Variants in BTAF1 observed in about 807,000 individuals in gnomAD.
The protein encoded by BTAF1 is TATA-binding protein-associated factor 172.
A neutral mutation model predicts 227.1 loss-of-function variants in BTAF1; 38 were observed. That is an observed-to-expected ratio of 0.17 (90% CI 0.13 to 0.22). BTAF1 has a LOEUF of 0.22. Ranked by LOEUF, BTAF1 falls within the 10% of genes least tolerant of loss-of-function variation. The probability of loss-of-function intolerance (pLI) is 1.00; values close to 1 mark genes in which losing one functional copy is unlikely to be tolerated. For synonymous variants in BTAF1, 742 were observed against 751.9 expected (o/e 0.99, Z 0.21); for missense variants, 1,598 against 2,204.0 (o/e 0.73, Z 5.51).
intron 28 of BTAF1, 74 bp from the exon 29 acceptor site, chr10:92,010,999 A>C: frequency 9.2e-7 from 1 of 1,092,834 alleles, no homozygotes. Flanking sequence ...GATTGAAAGC[A>C]CTTTATACAA....
chr10:92,002,139 A>C (rs2134075321), intron 25 of BTAF1, among the ~76,000 whole-genome samples: 2 of 152,244 alleles, frequency 1.3e-5, no homozygotes, highest in Non-Finnish European at 2.9e-5. Flanking sequence ...AACACACTGG[A>C]TTGCATTAAT....
chr10:91,928,502 A>G (rs572970859), intron 1 of BTAF1, among the ~76,000 whole-genome samples: 1 of 152,192 alleles, frequency 6.6e-6, no homozygotes, highest in Admixed American at 6.5e-5. Flanking sequence ...AAAGTCAGCT[A>G]GTCATTCACT....
At chr10:91,928,490 G>A (rs974194028) in intron 1 of BTAF1, among the ~76,000 whole-genome samples, 2 of 152,070 alleles carry the variant, frequency 1.3e-5, no homozygotes, top group East Asian at 1.9e-4. Context: ...TGCGGATGCC[G>A]GAAAGTCAGC....
chr10:91,969,358 A>G (rs1232334645), intron 14 of BTAF1, among the ~76,000 whole-genome samples: 1 of 152,158 alleles, frequency 6.6e-6, no homozygotes, highest in Non-Finnish European at 1.5e-5. Flanking sequence ...AAAGTTAGCT[A>G]TTAAAATGAC....
At chr10:92,028,729 A>G (rs1851695211) in intron 37 of BTAF1, 61 bp from the exon 38 acceptor site, 1 of 1,479,458 alleles carries the variant, frequency 6.8e-7, no homozygotes, top group Non-Finnish European at 9.1e-7. Context: ...TTAAAGGAAA[A>G]TACAATTTGT....
intron 11 of BTAF1, among the ~76,000 whole-genome samples, chr10:91,960,586 TG>T (rs1240812023): frequency 1.6e-5 from 2 of 125,614 alleles, no homozygotes; most frequent in Admixed American, 7.6e-5. Context: ...AAACTGTCAG[TG>T]TTTTTTTTTT....
At chr10:91,929,648 A>G (rs1180362369) in intron 1 of BTAF1, among the ~76,000 whole-genome samples, 1 of 152,204 alleles carries the variant, frequency 6.6e-6, no homozygotes, top group African/African-American at 2.4e-5. Context: ...GTTAATGTAG[A>G]AAAAACTACC....
chr10:91,924,101 C>G lies in BTAF1; in HGVS notation c.14+11C>G. 3 of 1,606,998 alleles carry G rather than the reference C, an allele frequency of 1.9e-6. No individual in the cohort carries two copies. The highest frequency in any genetic ancestry group is 2.5e-6 in the Non-Finnish European group (3 of 1,177,554). On this transcript the variant is annotated intron_variant, in intron 1 of 37. Transcript: ENST00000265990. ...CATGGCGGTCTCCAGGTGGGTCTTG[C>G]TCCTGACGAGCAAACTGGAAGGCGA...
At chr10:92,019,891 G>GTTTTTT (rs11406652) in intron 34 of BTAF1, among the ~76,000 whole-genome samples, 1 of 139,410 alleles carries the variant, frequency 7.2e-6, no homozygotes. Context: ...TGTTGTTGCT[G>GTTTTTT]TTTTTTTTTT....
chr10:91,931,503 G>A (rs1844273484), intron 1 of BTAF1, among the ~76,000 whole-genome samples: 1 of 152,102 alleles, frequency 6.6e-6, no homozygotes, highest in Non-Finnish European at 1.5e-5. Context: ...AGAAGTTTTA[G>A]CCAAAAGTAG....
At position 91,959,824 on chromosome 10, in the gene BTAF1, A is replaced by G. The variant is rs774246299; in HGVS notation, c.1030A>G (p.Ile344Val). 20 of 1,606,536 alleles carry G rather than the reference A, an allele frequency of 1.2e-5. No homozygotes were observed. In the East Asian group the frequency reaches 2.9e-4, roughly 23 times the overall value. Reference protein sequence around the residue: ...QHQEWLEDLVIRLLCVFALDR... With the variant: ...QHQEWLEDLVVRLLCVFALDR... Reference sequence around the variant, plus strand: ...TCAAGAGTGGTTGGAAGACTTGGTTATTAGACTCCTTTGTGTTTTTGCATT... The same window carrying G: ...TCAAGAGTGGTTGGAAGACTTGGTTGTTAGACTCCTTTGTGTTTTTGCATT... Residue 344 changes from isoleucine (I) to valine (V), a missense_variant, in exon 10 of 38, where the codon ATT becomes GTT. By Grantham distance (29) the Ile-to-Val change is conservative (BLOSUM62 3). Transcript: ENST00000265990.
chr10:91,997,826 G>T, intron 25 of BTAF1, 75 bp downstream of exon 25: 1 of 1,478,466 alleles, frequency 6.8e-7, no homozygotes, highest in African/African-American at 1.4e-5. Flanking sequence ...ACCCTTTTTA[G>T]GGCCAGGTAC....
chr10:92,026,960 C>A (rs886500341), intron 36 of BTAF1, among the ~76,000 whole-genome samples, 170 bp from the exon 37 acceptor site: 3 of 152,094 alleles, frequency 2.0e-5, no homozygotes, highest in African/African-American at 7.2e-5. Context: ...ACTGTTCATC[C>A]CTAATATTCT....
chr10:92,004,935 A>G (rs553982356), intron 25 of BTAF1, among the ~76,000 whole-genome samples: 33 of 152,326 alleles, frequency 2.2e-4, no homozygotes, highest in African/African-American at 7.5e-4. Context: ...GGTGTAAGAT[A>G]CAAAGGTCCA....
At chr10:91,985,932 G>C (rs1388588585) in intron 19 of BTAF1, among the ~76,000 whole-genome samples, 1 of 151,592 alleles carries the variant, frequency 6.6e-6, no homozygotes, top group Non-Finnish European at 1.5e-5. Context: ...TCTTAATGCT[G>C]TCTTTGGATG....
At chr10:92,014,311 C>G (rs1850556454) in intron 32 of BTAF1, among the ~76,000 whole-genome samples, 1 of 152,108 alleles carries the variant, frequency 6.6e-6, no homozygotes, top group Non-Finnish European at 1.5e-5. Context: ...TCACTGCAGC[C>G]TCGACCTCCG....
chr10:91,948,699 TAA>T (rs11331302), intron 4 of BTAF1, among the ~76,000 whole-genome samples: 1,750 of 142,844 alleles, frequency 0.012, 18 homozygotes, highest in South Asian at 0.024. Flanking sequence ...TCTTTTTTAT[TAA>T]AAAAAAAAAA....
At chr10:91,931,276 A>T (rs1844259238) in intron 1 of BTAF1, among the ~76,000 whole-genome samples, 1 of 152,218 alleles carries the variant, frequency 6.6e-6, no homozygotes, top group African/African-American at 2.4e-5. Context: ...AATTCTCGGA[A>T]TTGACATCCA....
intron 5 of BTAF1, 89 bp from the exon 6 acceptor site, chr10:91,953,648 T>A (rs12571564): frequency 5.6e-6 from 8 of 1,418,314 alleles, no homozygotes; most frequent in Non-Finnish European, 7.7e-6. Flanking sequence ...ATACTGAAAT[T>A]TATAGACTTG....
Sources: gnomAD v4.1 joint callset for allele counts (sites outside exome capture counted in the v4.1 genomes callset) on GRCh38, gnomAD v4.1.1 for gene constraint, MANE v1.5 for transcripts, NCBI Gene and HGNC (gene_info 2026-07-23, HGNC 2026-07-21) for gene names.